RAB28: variants seen among roughly 807,000 people sequenced by gnomAD.
The protein encoded by RAB28 is ras-related protein Rab-28.
A neutral mutation model predicts 31.7 loss-of-function variants in RAB28; 24 were observed. The observed-to-expected ratio is 0.76, with a 90% CI of 0.55 to 1.06. The LOEUF (loss-of-function observed/expected upper bound fraction) is 1.06, where lower values mean the gene tolerates loss of function less well. RAB28 is among the 50% of genes least tolerant of loss of function. RAB28 has a pLI of 0.00. For synonymous variants in RAB28, 100 were observed against 90.4 expected, an observed-to-expected ratio of 1.11 and a Z score of -0.60; for missense variants, 254 against 258.5, an observed-to-expected ratio of 0.98 and a Z score of 0.12.
intron 4 of RAB28, among the ~76,000 whole-genome samples, chr4:13,423,853 G>A (rs1251916978): frequency 3.3e-5 from 5 of 152,166 alleles, no homozygotes; most frequent in African/African-American, 1.2e-4. Flanking sequence ...TGATTCTACA[G>A]TAGATCACTG....
At chr4:13,431,122 T>TTA (rs2108931040) in intron 4 of RAB28, among the ~76,000 whole-genome samples, 2 of 152,262 alleles carry the variant, frequency 1.3e-5, no homozygotes, top group East Asian at 3.9e-4. Context: ...CACCACCCTC[T>TTA]TACAAAAAGT....
intron 2 of RAB28, among the ~76,000 whole-genome samples, chr4:13,477,615 G>C (rs967922112): frequency 6.6e-6 from 1 of 150,478 alleles, no homozygotes; most frequent in African/African-American, 2.4e-5. Context: ...CCATAAGTTT[G>C]AGTCTGTTAA....
At chr4:13,430,405 A>G (rs954498881) in intron 4 of RAB28, among the ~76,000 whole-genome samples, 3 of 152,260 alleles carry the variant, frequency 2.0e-5, no homozygotes, top group Non-Finnish European at 4.4e-5. Flanking sequence ...CACCCAAGAA[A>G]CTCAGAGTCC....
At position 13,368,520 on chromosome 4, in the gene RAB28, A is replaced by C. The variant is rs1212005481; in HGVS notation, c.*38T>G. On this transcript the variant is annotated 3_prime_UTR_variant, in exon 7 of 7. Transcript: ENST00000330852. ...AGTCCTCGGGCCCACCCAGAGGTGA[A>C]GGGCAGCCAGAACTATCAACACAAA... 6.3e-7 allele frequency: 1 copy of C among 1,585,564 alleles called. No homozygotes were observed. The highest frequency in any genetic ancestry group is 8.6e-7 in the Non-Finnish European group (1 of 1,168,254).
chr4:13,472,989 T>C (rs1374203749), intron 3 of RAB28, among the ~76,000 whole-genome samples: 1 of 151,856 alleles, frequency 6.6e-6, no homozygotes, highest in Non-Finnish European at 1.5e-5. Flanking sequence ...AAGAACAATG[T>C]ATAAAAGATA....
chr4:13,371,187 T>C, intron 6 of RAB28: 1 of 985,292 alleles, frequency 1.0e-6, no homozygotes, highest in Non-Finnish European at 1.2e-6. Context: ...TCTGCTTCAG[T>C]TCTTTAGCAA....
chr4:13,484,250 G>C lies in RAB28; in HGVS notation c.-100C>G, dbSNP rs1577258996. On this transcript the variant is annotated 5_prime_UTR_variant, in exon 1 of 7. Coordinates refer to ENST00000330852, the MANE Select transcript of RAB28 (RefSeq NM_001017979.3). ...AGGAGGAAGGGAGGTAGTTGCGGCA[G>C]GACCCCCGCCCCGGTGTCTCCGCGC... is the stretch of plus-strand genomic sequence containing the variant. The C allele has an allele frequency of 1.1e-6, 1 of 906,204 alleles. No homozygotes were observed. The highest frequency in any genetic ancestry group is 1.7e-5 in the African/African-American group (1 of 60,524). 56.1% of individuals were successfully genotyped at this position (906,204 alleles called of 1,614,324 possible).
chr4:13,455,249 C>T (rs1715233953), intron 4 of RAB28, among the ~76,000 whole-genome samples: 1 of 152,174 alleles, frequency 6.6e-6, no homozygotes, highest in Non-Finnish European at 1.5e-5. Flanking sequence ...GCCACTCTAC[C>T]AGCCTGAGGG....
intron 2 of RAB28, among the ~76,000 whole-genome samples, chr4:13,478,364 A>AT (rs1480537099): frequency 1.3e-5 from 2 of 151,632 alleles, no homozygotes; most frequent in Admixed American, 1.3e-4. Context: ...CTCCTAATCT[A>AT]TTTTTCACTG....
At chr4:13,464,980 T>C (rs576969377) in intron 3 of RAB28, among the ~76,000 whole-genome samples, 2 of 151,978 alleles carry the variant, frequency 1.3e-5, no homozygotes, top group South Asian at 4.1e-4. Context: ...AAAAACAAAA[T>C]GCTAGATATC....
chr4:13,398,906 T>C (rs148464373), intron 4 of RAB28, among the ~76,000 whole-genome samples: 5 of 151,568 alleles, frequency 3.3e-5, no homozygotes, highest in Admixed American at 2.6e-4. Context: ...TGGGGAGAGA[T>C]AGAACATTAT....
intron 4 of RAB28, among the ~76,000 whole-genome samples, chr4:13,420,508 A>G (rs914850351): frequency 2.0e-5 from 3 of 152,218 alleles, no homozygotes; most frequent in Non-Finnish European, 4.4e-5. Flanking sequence ...AAAATCCTCA[A>G]TAAAATACTG....
intron 3 of RAB28, among the ~76,000 whole-genome samples, chr4:13,463,541 A>G (rs1393655478): frequency 6.6e-6 from 1 of 152,186 alleles, no homozygotes; most frequent in Non-Finnish European, 1.5e-5. Context: ...TGGCCTGCAA[A>G]GCATAAAATA....
chr4:13,477,878 A>C (rs1716435200), intron 2 of RAB28, among the ~76,000 whole-genome samples: 1 of 151,590 alleles, frequency 6.6e-6, no homozygotes, highest in Admixed American at 6.6e-5. Context: ...AGAAATCATC[A>C]TATCACCTGT....
chr4:13,452,166 G>A (rs1426582970), intron 4 of RAB28, among the ~76,000 whole-genome samples: 1 of 151,686 alleles, frequency 6.6e-6, no homozygotes, highest in African/African-American at 2.4e-5. Flanking sequence ...ATTTATTTGA[G>A]TCTTCCCTTT....
intron 4 of RAB28, among the ~76,000 whole-genome samples, chr4:13,439,192 A>T (rs1577215322): frequency 6.6e-6 from 1 of 152,260 alleles, no homozygotes; most frequent in East Asian, 1.9e-4. Flanking sequence ...ATGATTTGTA[A>T]ATATTTTCTC....
chr4:13,438,513 A>G (rs1351298803), intron 4 of RAB28, among the ~76,000 whole-genome samples: 1 of 152,186 alleles, frequency 6.6e-6, no homozygotes, highest in Non-Finnish European at 1.5e-5. Flanking sequence ...TCTTATAAAT[A>G]GAATCATGAA....
intron 6 of RAB28, among the ~76,000 whole-genome samples, chr4:13,373,940 T>C (rs979555754): frequency 1.3e-5 from 2 of 151,618 alleles, no homozygotes; most frequent in African/African-American, 4.9e-5. Context: ...TGTGTGTATA[T>C]ATATGTATGT....
chr4:13,458,771 T>C (rs1484255060), intron 4 of RAB28, among the ~76,000 whole-genome samples: 4 of 152,190 alleles, frequency 2.6e-5, no homozygotes, highest in Admixed American at 2.6e-4. Context: ...GCCTACAGTA[T>C]GGGAACATGC....
Sources: gnomAD v4.1 joint callset for allele counts (sites outside exome capture counted in the v4.1 genomes callset) on GRCh38, gnomAD v4.1.1 for gene constraint, MANE v1.5 for transcripts, NCBI Gene and HGNC (gene_info 2026-07-23, HGNC 2026-07-21) for gene names.